Variants in CAB39L observed in about 807,000 individuals in gnomAD.
The protein encoded by CAB39L is calcium-binding protein 39-like.
In CAB39L, 23 loss-of-function variants were observed where a neutral mutation model predicts 39.1. The observed-to-expected ratio is 0.59, with a 90% confidence interval of 0.42 to 0.83. CAB39L has a LOEUF of 0.83. Among genes scored for constraint, CAB39L ranks in the 40% least tolerant of loss-of-function variants. CAB39L has a pLI of 0.00. For missense variants in CAB39L, 366 were observed against 391.9 expected (o/e 0.93, Z 0.56); for synonymous variants, 126 against 137.2 (o/e 0.92, Z 0.57).
chr13:49,314,920 T>C (rs1193933886), intron 10 of CAB39L, among the ~76,000 whole-genome samples: 3 of 152,046 alleles, frequency 2.0e-5, no homozygotes, highest in African/African-American at 7.2e-5. Context: ...ATGCATGGAG[T>C]AGAACACATA....
Position 49,419,187 on chromosome 13 carries a change from C to T in CAB39L, c.-32+14131G>A, listed in dbSNP as rs190914319. On this transcript the variant is annotated intron_variant, in intron 3 of 10. Coordinates refer to ENST00000409308, the MANE Select transcript of CAB39L (RefSeq NM_001079670.3). The stretch of plus-strand genomic sequence containing the variant: ...TTCACCATGTTAGCCAGGCTGGTCT[C>T]GAACTCCTGACCTCAAGTGATCCAC... Among the ~76,000 whole-genome samples, 1,212 of 152,220 alleles carry T rather than the reference C, an allele frequency of 8.0e-3. 7 individuals carry two copies. The highest frequency in any genetic ancestry group is 0.02 in the Middle Eastern group (6 of 294).
At chr13:49,317,875 C>A (rs911339855) in intron 10 of CAB39L, among the ~76,000 whole-genome samples, 2 of 152,042 alleles carry the variant, frequency 1.3e-5, no homozygotes, top group Non-Finnish European at 2.9e-5. Flanking sequence ...TGATCAGTGT[C>A]TTGTATCCAG....
At chr13:49,311,190 C>G (rs115131699) in intron 10 of CAB39L, among the ~76,000 whole-genome samples, 197 bp from the exon 11 acceptor site, 1 of 152,170 alleles carries the variant, frequency 6.6e-6, no homozygotes, top group Admixed American at 6.5e-5. Flanking sequence ...ACATTTCAGT[C>G]AACAACAGAC....
At chr13:49,387,001 G>C (rs13378690) in intron 3 of CAB39L, among the ~76,000 whole-genome samples, 82,972 of 152,110 alleles carry the variant, frequency 0.55, 24,041 homozygotes, top group African/African-American at 0.72. Context: ...AAGCAATGAA[G>C]CAAGTAGCAC....
At chr13:49,346,083 T>TATATACATATGCTAG (rs55718704) in intron 7 of CAB39L, among the ~76,000 whole-genome samples, 5 of 124,176 alleles carry the variant, frequency 4.0e-5, no homozygotes, top group African/African-American at 1.4e-4. Flanking sequence ...TAGATATATA[T>TATATACATATGCTAG]ATATATATAT....
intron 4 of CAB39L, among the ~76,000 whole-genome samples, chr13:49,377,926 G>A (rs1376123336): frequency 2.6e-5 from 2 of 77,004 alleles, no homozygotes; most frequent in East Asian, 2.3e-4. Context: ...CTTCCCAGCC[G>A]CCATCACATC....
intron 5 of CAB39L, among the ~76,000 whole-genome samples, chr13:49,368,101 A>G (rs1955818253): frequency 1.3e-5 from 2 of 152,228 alleles, no homozygotes; most frequent in Admixed American, 1.3e-4. Flanking sequence ...TGCAGAATAA[A>G]TATCAACCCT....
At position 49,311,011 on chromosome 13, in the gene CAB39L, A is replaced by G; in HGVS notation, c.835-18T>C. Reference sequence around the variant, plus strand: ...ACAAACACCTGAAACAAAAAGAAACAAATACTTAGGAGTGCAAGCCAGGGA... The same window carrying G: ...ACAAACACCTGAAACAAAAAGAAACGAATACTTAGGAGTGCAAGCCAGGGA... On this transcript the variant is annotated intron_variant, in intron 10 of 10. Transcript: ENST00000409308. The G allele has an allele frequency of 6.2e-7, 1 of 1,611,326 alleles. No individual in the cohort carries two copies. The highest frequency in any genetic ancestry group is 2.2e-5 in the East Asian group (1 of 44,862).
intron 10 of CAB39L, among the ~76,000 whole-genome samples, chr13:49,316,155 C>T (rs1954152711): frequency 6.6e-6 from 1 of 152,028 alleles, no homozygotes; most frequent in Non-Finnish European, 1.5e-5. Context: ...AAATGCTAAA[C>T]ATTACTAATG....
intron 4 of CAB39L, among the ~76,000 whole-genome samples, chr13:49,379,843 T>C (rs918837290): frequency 1.3e-5 from 2 of 151,070 alleles, no homozygotes; most frequent in African/African-American, 4.9e-5. Context: ...CACTAAATAA[T>C]CTTTTTTTTT....
intron 5 of CAB39L, among the ~76,000 whole-genome samples, chr13:49,368,812 G>C (rs892489946): frequency 6.6e-6 from 1 of 152,124 alleles, no homozygotes; most frequent in African/African-American, 2.4e-5. Flanking sequence ...AAGGAGGGAA[G>C]AAAGAGGTGG....
intron 3 of CAB39L, among the ~76,000 whole-genome samples, chr13:49,393,687 T>TA (rs952532457): frequency 4.6e-5 from 7 of 151,634 alleles, no homozygotes; most frequent in Non-Finnish European, 8.8e-5. Flanking sequence ...GATTTGAGGT[T>TA]AAAAAAAACA....
rs182724805 is a variant in CAB39L at position 49,383,672 on chromosome 13, A to G, written c.-31-731T>C. Among the ~76,000 whole-genome samples, 242 of 152,324 alleles carry G rather than the reference A, an allele frequency of 1.6e-3. 2 individuals carry two copies. Among genetic ancestry groups the G allele is most frequent in the African/African-American group, 5.5e-3 (229 of 41,564 alleles). ...GTTTTTCCTAGTACATATAAAAGTT[A>G]TATTTACGCTATACTGCAGTCTATT... On this transcript the variant is annotated intron_variant, in intron 3 of 10. Coordinates refer to ENST00000409308, the MANE Select transcript of CAB39L (RefSeq NM_001079670.3).
intron 8 of CAB39L, among the ~76,000 whole-genome samples, chr13:49,341,346 C>T (rs1048172795): frequency 2.0e-4 from 30 of 151,944 alleles, no homozygotes; most frequent in African/African-American, 7.3e-4. Context: ...CTCCGCCTCC[C>T]GGGTTCAAGC....
At chr13:49,349,804 G>A (rs1955288071) in intron 7 of CAB39L, among the ~76,000 whole-genome samples, 2 of 151,972 alleles carry the variant, frequency 1.3e-5, no homozygotes, top group South Asian at 2.1e-4. Flanking sequence ...TGAAAAATGA[G>A]CATGTAATAC....
At chr13:49,338,747 A>T (rs1170783416) in intron 9 of CAB39L, among the ~76,000 whole-genome samples, 1 of 152,182 alleles carries the variant, frequency 6.6e-6, no homozygotes, top group African/African-American at 2.4e-5. Context: ...GGTGATTTTT[A>T]AAAAACATTT....
At chr13:49,326,931 C>A (rs1954519287) in intron 10 of CAB39L, among the ~76,000 whole-genome samples, 1 of 152,144 alleles carries the variant, frequency 6.6e-6, no homozygotes, top group South Asian at 2.1e-4. Context: ...TGATATGATA[C>A]ACAGCCTTCT....
intron 3 of CAB39L, among the ~76,000 whole-genome samples, chr13:49,414,936 T>C (rs1245819684): frequency 6.6e-6 from 1 of 151,770 alleles, no homozygotes; most frequent in East Asian, 1.9e-4. Context: ...GCTCATGCCT[T>C]TAATCCCAGC....
intron 1 of CAB39L, among the ~76,000 whole-genome samples, chr13:49,442,662 G>A (rs1047477489): frequency 6.6e-6 from 1 of 151,616 alleles, no homozygotes; most frequent in Non-Finnish European, 1.5e-5. Context: ...CGTGATGGCC[G>A]GTGTCTGTAG....
Sources: allele counts gnomAD v4.1 joint callset (sites outside exome capture counted in the v4.1 genomes callset), GRCh38; gene constraint gnomAD v4.1.1; transcripts MANE v1.5; gene names NCBI Gene and HGNC (gene_info 2026-07-23, HGNC 2026-07-21).